C2CD5: variants seen among roughly 807,000 people sequenced by gnomAD.
C2CD5 encodes C2 calcium dependent domain containing 5.
Under a neutral mutation model 130.3 loss-of-function variants are expected in C2CD5, and 109 were observed. The ratio of observed to expected loss-of-function variants is 0.84; its 90% CI spans 0.72 to 0.98. C2CD5 has a LOEUF of 0.98. Among genes scored for constraint, C2CD5 ranks in the 50% least tolerant of loss-of-function variants. C2CD5 has a pLI of 0.00. For missense variants in C2CD5, 996 were observed against 1,261.8 expected, an observed-to-expected ratio of 0.79 and a Z score of 3.19; for synonymous variants, 454 against 429.2, an observed-to-expected ratio of 1.06 and a Z score of -0.71.
At chr12:22,514,641 A>G (rs550681659) in intron 8 of C2CD5, among the ~76,000 whole-genome samples, 1 of 152,152 alleles carries the variant, frequency 6.6e-6, no homozygotes, top group African/African-American at 2.4e-5. Context: ...ATGATGACAC[A>G]GGTCCAATGT....
chr12:22,458,229 T>C (rs905747811), intron 24 of C2CD5, among the ~76,000 whole-genome samples: 2 of 152,180 alleles, frequency 1.3e-5, no homozygotes, highest in African/African-American at 4.8e-5. Flanking sequence ...AATGATATAA[T>C]ATCTATTTAT....
At chr12:22,538,703 A>T (rs76132086) in intron 2 of C2CD5, among the ~76,000 whole-genome samples, 3,125 of 152,318 alleles carry the variant, frequency 0.021, 101 homozygotes, top group African/African-American at 0.071. Context: ...ATATGAATGA[A>T]ATTCATTCAA....
At chr12:22,449,993 T>A in intron 26 of C2CD5, 102 bp from the exon 27 acceptor site, 1 of 864,346 alleles carries the variant, frequency 1.2e-6, no homozygotes, top group Non-Finnish European at 1.7e-6. Flanking sequence ...CACAGGCTTC[T>A]AAATCATTAG....
At chr12:22,501,627 G>A (rs1947803164) in intron 10 of C2CD5, among the ~76,000 whole-genome samples, 1 of 152,042 alleles carries the variant, frequency 6.6e-6, no homozygotes, top group Non-Finnish European at 1.5e-5. Flanking sequence ...TCTAATCAAT[G>A]ACAGCAGGCT....
At position 22,523,563 on chromosome 12, in the gene C2CD5, C is replaced by G; in HGVS notation, c.663G>C (p.Gly221=). 6.2e-7 allele frequency: 1 copy of G among 1,613,934 alleles called. No homozygotes were observed. Among genetic ancestry groups the G allele is most frequent in the East Asian group, 2.2e-5 (1 of 44,868 alleles). Reference sequence around the variant, plus strand: ...CCTCCAGATCGAAACACTGTAAGTACCCCACAACTGCATTTCCTCTCATTT... The same window carrying G: ...CCTCCAGATCGAAACACTGTAAGTAGCCCACAACTGCATTTCCTCTCATTT... The part of the protein sequence containing the change: ...VLEMRGNAVV[G]YLQCFDLEGE... The change falls in exon 7 of 27, where the codon GGG becomes GGC. Residue 221 remains glycine, a synonymous_variant. Transcript: ENST00000446597.
At chr12:22,519,267 G>A in intron 7 of C2CD5, 5 of 1,529,912 alleles carry the variant, frequency 3.3e-6, no homozygotes, top group Non-Finnish European at 3.5e-6. Context: ...CAAAGTGGAA[G>A]AAAAGAAAAC....
At chr12:22,455,705 G>T (rs962277673) in intron 25 of C2CD5, among the ~76,000 whole-genome samples, 1 of 152,090 alleles carries the variant, frequency 6.6e-6, no homozygotes, top group African/African-American at 2.4e-5. Context: ...TGGGGGGAAG[G>T]ATAGAGTCTC....
chr12:22,502,024 A>G (rs1293485031), intron 10 of C2CD5, among the ~76,000 whole-genome samples: 9 of 152,050 alleles, frequency 5.9e-5, no homozygotes, highest in Non-Finnish European at 1.3e-4. Context: ...AACAATTAGA[A>G]ATGTACATTA....
chr12:22,469,584 A>G (rs1277008289), intron 22 of C2CD5, 125 bp downstream of exon 22: 5 of 514,640 alleles, frequency 9.7e-6, no homozygotes, highest in Non-Finnish European at 1.7e-5. Flanking sequence ...ATATGAAGAA[A>G]CATATAATGA....
In C2CD5 at chr12:22,472,406, A is replaced by G. The variant is rs189750753; in HGVS notation, c.2108-59T>C. 7.8e-5 allele frequency: 72 copies of G among 928,154 alleles called. No individual in the cohort carries two copies. In the African/African-American group the frequency reaches 1.0e-3, roughly 14 times the overall value. The allele number at this position is 928,154 out of a possible 1,614,324, so 57.5% of individuals were successfully genotyped here. On this transcript the variant is annotated intron_variant, in intron 17 of 26. Coordinates refer to ENST00000446597, the MANE Select transcript of C2CD5 (RefSeq NM_001286176.2). ...AATATTTCATTGATTTTTGTGTTAA[A>G]TGACATTTTTCAATTATTATATGAA...
intron 13 of C2CD5, 76 bp downstream of exon 13, chr12:22,484,621 G>T: frequency 2.8e-6 from 2 of 718,804 alleles, no homozygotes; most frequent in South Asian, 5.9e-5. Context: ...CAGTAAAGCT[G>T]ACACTTAAAA....
intron 9 of C2CD5, among the ~76,000 whole-genome samples, chr12:22,509,130 G>A (rs57609546): frequency 0.094 from 14,227 of 150,910 alleles, 935 homozygotes; most frequent in African/African-American, 0.19. Context: ...CACCCGCCTC[G>A]GCCTCCCAAA....
At chr12:22,489,443 A>G (rs187095104) in intron 12 of C2CD5, among the ~76,000 whole-genome samples, 102 of 152,230 alleles carry the variant, frequency 6.7e-4, no homozygotes, top group Middle Eastern at 3.4e-3. Flanking sequence ...CCAAAAAGCA[A>G]AACTTGAATT....
In C2CD5 at chr12:22,482,722, TTTC is replaced by T; in HGVS notation, c.1569_1571del (p.Lys524del). On this transcript the variant is annotated inframe_deletion, in exon 14 of 27. Coordinates refer to ENST00000446597, the MANE Select transcript of C2CD5 (RefSeq NM_001286176.2). ...CTGTAGCATTTGCTTCTGCCTGTGCTTTCTTTTTTAAGCGACATAACCTGTAAA... is the reference window on the plus strand; with the variant it reads ...CTGTAGCATTTGCTTCTGCCTGTGCTTTTTTTAAGCGACATAACCTGTAAA... 1 of 1,613,590 alleles carries T rather than the reference TTTC, an allele frequency of 6.2e-7. No individual in the cohort carries two copies. Among genetic ancestry groups the T allele is most frequent in the Non-Finnish European group, 8.5e-7 (1 of 1,179,648 alleles).
At position 22,523,643 on chromosome 12, in the gene C2CD5, C is replaced by A; in HGVS notation, c.602-19G>T. ...AGCTCACCTACAAAACATGGGAAAT[C>A]TCATTCTTGCTTTGTAGCTTTACAT... On this transcript the variant is annotated intron_variant, in intron 6 of 26. Coordinates refer to ENST00000446597, the MANE Select transcript of C2CD5 (RefSeq NM_001286176.2). The A allele has an allele frequency of 6.3e-7, 1 of 1,589,848 alleles. No homozygotes were observed. The highest frequency in any genetic ancestry group is 8.6e-7 in the Non-Finnish European group (1 of 1,161,744).
chr12:22,544,045 A>T lies in C2CD5; in HGVS notation c.90+16T>A. The T allele has an allele frequency of 6.3e-7, 1 of 1,592,066 alleles. No homozygotes were observed. Among genetic ancestry groups the T allele is most frequent in the East Asian group, 2.2e-5 (1 of 44,548 alleles). ...TGGCGCTCCCTGTGTTTTGAGGGGC[A>T]GGACCCTGCACCAACCTCCACGAAG... On this transcript the variant is annotated intron_variant, in intron 2 of 26. Coordinates refer to ENST00000446597, the MANE Select transcript of C2CD5 (RefSeq NM_001286176.2).
At chr12:22,530,115 C>T (rs12369798) in intron 3 of C2CD5, among the ~76,000 whole-genome samples, 6,431 of 73,694 alleles carry the variant, frequency 0.087, 165 homozygotes, top group Non-Finnish European at 0.12. Context: ...TATATATACA[C>T]ACACACACAC....
chr12:22,517,855 T>C (rs1949895943), intron 8 of C2CD5, 131 bp downstream of exon 8: 1 of 603,838 alleles, frequency 1.7e-6, no homozygotes, highest in Non-Finnish European at 2.8e-6. Flanking sequence ...TAACTGAAAA[T>C]GGTCAGTATT....
At chr12:22,455,578 G>T (rs553939576) in intron 25 of C2CD5, among the ~76,000 whole-genome samples, 1 of 152,240 alleles carries the variant, frequency 6.6e-6, no homozygotes, top group East Asian at 1.9e-4. Context: ...AAATTTAAAT[G>T]GATGTAGAAG....
Sources: gnomAD v4.1 joint callset for allele counts (sites outside exome capture counted in the v4.1 genomes callset) on GRCh38, gnomAD v4.1.1 for gene constraint, MANE v1.5 for transcripts, NCBI Gene and HGNC (gene_info 2026-07-23, HGNC 2026-07-21) for gene names.